Variants in DENND4A observed in about 807,000 individuals in gnomAD.
DENND4A encodes DENN domain containing 4A, also known as C-myc promoter-binding protein.
DENND4A carries 70 observed loss-of-function variants against 199.3 expected under a neutral mutation model. The observed-to-expected ratio is 0.35, with a 90% CI of 0.29 to 0.43. The LOEUF (loss-of-function observed/expected upper bound fraction) is 0.43, where lower values mean the gene tolerates loss of function less well. DENND4A is among the 20% of genes least tolerant of loss of function. The pLI is 1.00. For missense variants in DENND4A, 1,723 were observed against 2,255.8 expected (o/e 0.76, Z 4.78); for synonymous variants, 686 against 766.9 (o/e 0.89, Z 1.74).
chr15:65,757,997 A>T (rs1370474336), intron 2 of DENND4A, among the ~76,000 whole-genome samples: 1 of 152,012 alleles, frequency 6.6e-6, no homozygotes, highest in Non-Finnish European at 1.5e-5. Flanking sequence ...GAAAAAAAAA[A>T]GTGTTCCCAA....
chr15:65,727,535 G>A (rs1023942739), intron 11 of DENND4A, among the ~76,000 whole-genome samples: 7 of 152,036 alleles, frequency 4.6e-5, no homozygotes, highest in African/African-American at 1.7e-4. Flanking sequence ...GCTGAGGCAG[G>A]AGGATTGCTT....
chr15:65,729,617 C>G lies in DENND4A; in HGVS notation c.1228G>C (p.Val410Leu). The change falls in exon 10 of 33, where the codon GTG (valine) becomes CTG (leucine). Residue 410 changes from valine (V) to leucine (L), a missense_variant. Val to Leu is a conservative substitution (Grantham distance 32, BLOSUM62 1). Transcript: ENST00000443035. ...LGPENAVTLL[V>L]FAVTEHKILI... ...ATTTTATGTTCTGTTACTGCAAACA[C>G]CAGTAGTGTCACAGCATTTTCAGGG... The G allele has an allele frequency of 6.3e-7, 1 of 1,580,002 alleles. No homozygotes were observed. The highest frequency in any genetic ancestry group is 8.6e-7 in the Non-Finnish European group (1 of 1,161,744).
chr15:65,717,987 C>A lies in DENND4A; in HGVS notation c.1598G>T (p.Arg533Ile). ...LHQQLAKLQQ[R>I]PRDDGLMDLA... The stretch of plus-strand genomic sequence containing the variant: ...ATCCATGAGTCCATCATCTCTCGGT[C>A]TCTGCTGCACTGTGAAGACATACAG... The change falls in exon 13 of 33, where the codon AGA becomes ATA. Residue 533 changes from arginine (R) to isoleucine (I), a missense_variant. Around this residue, in one of 6 missense-constraint regions of DENND4A, gnomAD observed 725 missense variants for 952.9 expected, o/e 0.76. Coordinates refer to ENST00000443035, the MANE Select transcript of DENND4A (RefSeq NM_001320835.1). 1 of 1,597,430 alleles carries A rather than the reference C, an allele frequency of 6.3e-7. No individual in the cohort carries two copies. Among genetic ancestry groups the A allele is most frequent in the Non-Finnish European group, 8.5e-7 (1 of 1,171,014 alleles).
At chr15:65,664,946 A>C (rs1025915719) in intron 30 of DENND4A, 4 of 492,512 alleles carry the variant, frequency 8.1e-6, no homozygotes, top group African/African-American at 8.0e-5. Flanking sequence ...ATAACTAAGA[A>C]TATTGTTTCC....
chr15:65,700,995 A>C, intron 19 of DENND4A, 56 bp downstream of exon 19: 1 of 1,524,654 alleles, frequency 6.6e-7, no homozygotes, highest in Non-Finnish European at 8.8e-7. Flanking sequence ...CTAAAAATGT[A>C]AACTGTAGCT....
At chr15:65,782,988 A>G (rs1360652055) in intron 1 of DENND4A, among the ~76,000 whole-genome samples, 2 of 151,874 alleles carry the variant, frequency 1.3e-5, no homozygotes, top group East Asian at 3.9e-4. Context: ...TTTGGTCACA[A>G]AAGTCAGGAG....
intron 24 of DENND4A, among the ~76,000 whole-genome samples, chr15:65,673,552 G>C (rs753456856): frequency 1.4e-5 from 2 of 147,804 alleles, no homozygotes; most frequent in Non-Finnish European, 3.0e-5. Flanking sequence ...GGGAAAACAT[G>C]TTAAACACCA....
intron 1 of DENND4A, among the ~76,000 whole-genome samples, chr15:65,788,587 C>G (rs967955772): frequency 5.3e-5 from 8 of 151,968 alleles, no homozygotes; most frequent in African/African-American, 1.9e-4. Flanking sequence ...AGAGTAATAA[C>G]CGGCCAGGTG....
At chr15:65,778,180 A>G (rs919580055) in intron 1 of DENND4A, among the ~76,000 whole-genome samples, 1 of 152,208 alleles carries the variant, frequency 6.6e-6, no homozygotes, top group Non-Finnish European at 1.5e-5. Flanking sequence ...TTCTATTACA[A>G]AGTTCTGGTG....
At chr15:65,772,206 G>A in intron 1 of DENND4A, 4 of 625,688 alleles carry the variant, frequency 6.4e-6, no homozygotes, top group Non-Finnish European at 1.1e-5. Flanking sequence ...AATGTTTGGT[G>A]ACTTAAAGGT....
intron 7 of DENND4A, among the ~76,000 whole-genome samples, chr15:65,735,994 C>G (rs758293996): frequency 7.2e-5 from 11 of 152,100 alleles, no homozygotes; most frequent in Non-Finnish European, 1.6e-4. Flanking sequence ...GCAATATTTG[C>G]CAATAATTAA....
intron 8 of DENND4A, among the ~76,000 whole-genome samples, chr15:65,732,167 A>T (rs2075978780): frequency 1.3e-5 from 2 of 152,108 alleles, no homozygotes; most frequent in African/African-American, 4.8e-5. Context: ...ACAAGTAAAG[A>T]CTAAAATATT....
Position 65,691,212 on chromosome 15 carries a change from T to G in DENND4A, c.3382A>C (p.Lys1128Gln). The G allele has an allele frequency of 6.2e-7, 1 of 1,613,472 alleles. No individual in the cohort carries two copies. The highest frequency in any genetic ancestry group is 8.5e-7 in the Non-Finnish European group (1 of 1,179,672). ...TCTCTTTTTGATCTTAAAGGTGGCT[T>G]CCCAATATCAAGAGTATTTGGTCTC... is the stretch of plus-strand genomic sequence containing the variant. The part of the protein sequence containing the change: ...STRPNTLDIG[K>Q]PPLRSKRDSL... Residue 1128 changes from lysine (K) to glutamine (Q), a missense_variant, in exon 23 of 33, where the codon AAG becomes CAG. Lys to Gln is a moderately conservative substitution (Grantham distance 53, BLOSUM62 1). Around this residue, in one of 6 missense-constraint regions of DENND4A, gnomAD observed 650 missense variants for 738.1 expected, o/e 0.88. Coordinates refer to ENST00000443035, the MANE Select transcript of DENND4A (RefSeq NM_001320835.1).
chr15:65,670,857 G>T (rs2076195171), intron 25 of DENND4A, among the ~76,000 whole-genome samples: 1 of 151,964 alleles, frequency 6.6e-6, no homozygotes, highest in African/African-American at 2.4e-5. Context: ...TCTATGTTTT[G>T]GCTGTATGCA....
intron 1 of DENND4A, among the ~76,000 whole-genome samples, chr15:65,770,074 C>T (rs1375179883): frequency 1.3e-5 from 2 of 152,168 alleles, no homozygotes; most frequent in African/African-American, 2.4e-5. Context: ...CTTTAAGTTA[C>T]TATTCTACCT....
At chr15:65,766,419 T>G (rs919510077) in intron 1 of DENND4A, 3 of 152,244 alleles carry the variant, frequency 2.0e-5, no homozygotes, top group African/African-American at 4.8e-5. Context: ...CAACACTGAT[T>G]TGAACTGTGC....
intron 1 of DENND4A, among the ~76,000 whole-genome samples, chr15:65,767,646 G>A (rs1431164492): frequency 3.3e-5 from 5 of 152,066 alleles, no homozygotes; most frequent in Admixed American, 1.3e-4. Flanking sequence ...TACCATTATC[G>A]AGTACCATGG....
At chr15:65,682,457 AT>A (rs2076611920) in intron 23 of DENND4A, among the ~76,000 whole-genome samples, 1 of 152,168 alleles carries the variant, frequency 6.6e-6, no homozygotes, top group Non-Finnish European at 1.5e-5. Context: ...CTCAGCCTTC[AT>A]AAAACTGAAG....
intron 1 of DENND4A, among the ~76,000 whole-genome samples, chr15:65,781,047 C>T (rs1305928686): frequency 3.9e-5 from 6 of 152,020 alleles, no homozygotes; most frequent in Non-Finnish European, 7.3e-5. Flanking sequence ...GAAAGTAATG[C>T]CCAGCTGAGT....
Sources: gnomAD v4.1 joint callset for allele counts (sites outside exome capture counted in the v4.1 genomes callset) on GRCh38, gnomAD v4.1.1 for gene constraint, gnomAD v4.1.1 regional missense constraint, MANE v1.5 for transcripts, NCBI Gene and HGNC (gene_info 2026-07-23, HGNC 2026-07-21) for gene names.